HS1BP3: variants seen among roughly 807,000 people sequenced by gnomAD.
HS1BP3 encodes HCLS1-binding protein 3.
Under a neutral mutation model 33.5 loss-of-function variants are expected in HS1BP3, and 32 were observed. The ratio of observed to expected loss-of-function variants is 0.95; its 90% CI spans 0.72 to 1.28. HS1BP3 has a LOEUF of 1.28. Among genes scored for constraint, HS1BP3 ranks in the 50% most tolerant of loss-of-function variants. The probability of loss-of-function intolerance (pLI) is 0.00; values close to 1 mark genes in which losing one functional copy is unlikely to be tolerated. For synonymous variants in HS1BP3, 187 were observed against 209.2 expected, an observed-to-expected ratio of 0.89 and a Z score of 0.92; for missense variants, 486 against 502.3, an observed-to-expected ratio of 0.97 and a Z score of 0.31.
intron 2 of HS1BP3, among the ~76,000 whole-genome samples, chr2:20,606,901 T>C (rs879498129): frequency 4.6e-5 from 7 of 152,174 alleles, no homozygotes; most frequent in African/African-American, 1.4e-4. Context: ...ATTCTTTGTG[T>C]TGTCTTTCAC....
chr2:20,581,367 T>C (rs1199217175), intron 5 of HS1BP3, among the ~76,000 whole-genome samples: 1 of 152,246 alleles, frequency 6.6e-6, no homozygotes, highest in African/African-American at 2.4e-5. Flanking sequence ...TTTTCTTTTT[T>C]GAGACAAAGT....
intron 5 of HS1BP3, among the ~76,000 whole-genome samples, chr2:20,564,151 T>A (rs16987836): frequency 1.3e-5 from 2 of 152,106 alleles, no homozygotes; most frequent in Non-Finnish European, 2.9e-5. Context: ...ACAGAGCATG[T>A]GAGAATTTGT....
chr2:20,646,744 C>T (rs1394734790), intron 1 of HS1BP3, among the ~76,000 whole-genome samples: 2 of 152,246 alleles, frequency 1.3e-5, no homozygotes, highest in Non-Finnish European at 2.9e-5. Context: ...TGGTGTCACC[C>T]ACGGTGTCAC....
At chr2:20,567,928 C>T (rs1469036849) in intron 5 of HS1BP3, among the ~76,000 whole-genome samples, 3 of 152,270 alleles carry the variant, frequency 2.0e-5, no homozygotes, top group East Asian at 1.9e-4. Context: ...GGGAACTCAA[C>T]GTCCCCAGGG....
intron 5 of HS1BP3, among the ~76,000 whole-genome samples, chr2:20,565,891 C>T (rs566257139): frequency 2.6e-5 from 4 of 152,318 alleles, no homozygotes; most frequent in Admixed American, 2.6e-4. Flanking sequence ...GAATGTGCTG[C>T]CTCACAGGCC....
At chr2:20,568,430 C>CCAAG (rs1422278481) in intron 5 of HS1BP3, among the ~76,000 whole-genome samples, 1 of 152,102 alleles carries the variant, frequency 6.6e-6, no homozygotes, top group Non-Finnish European at 1.5e-5. Context: ...GAGGAAGGGG[C>CCAAG]CAAGCCTGGG....
At chr2:20,567,229 C>T (rs935389475) in intron 5 of HS1BP3, among the ~76,000 whole-genome samples, 2 of 152,070 alleles carry the variant, frequency 1.3e-5, no homozygotes, top group Non-Finnish European at 2.9e-5. Context: ...GCACGGGACT[C>T]ACATCAATAT....
chr2:20,630,708 G>A (rs1049706762), intron 4 of HS1BP3, among the ~76,000 whole-genome samples: 1 of 152,260 alleles, frequency 6.6e-6, no homozygotes, highest in African/African-American at 2.4e-5. Context: ...CTGAGGACAG[G>A]CACTAACCCT....
chr2:20,572,171 G>A (rs1337019676), intron 5 of HS1BP3, among the ~76,000 whole-genome samples: 1 of 152,200 alleles, frequency 6.6e-6, no homozygotes, highest in Non-Finnish European at 1.5e-5. Flanking sequence ...CAGGGGAGAG[G>A]CTGGGAAGCA....
chr2:20,651,052 C>T lies in HS1BP3; in HGVS notation c.12G>A (p.Pro4=). The part of the protein sequence containing the change: MQS[P]AVLVTSRRLQ... Reference sequence around the variant, plus strand: ...CTCACCTGGAGGTGACGAGCACCGCCGGGGACTGCATGACGGCGGCGGGGA... The same window carrying T: ...CTCACCTGGAGGTGACGAGCACCGCTGGGGACTGCATGACGGCGGCGGGGA... Residue 4 remains proline (P), a synonymous_variant, in exon 1 of 7, where the codon CCG becomes CCA. Coordinates refer to ENST00000304031, the MANE Select transcript of HS1BP3 (RefSeq NM_022460.4). 8.1e-7 allele frequency: 1 copy of T among 1,238,894 alleles called. No homozygotes were observed. The highest frequency in any genetic ancestry group is 1.0e-6 in the Non-Finnish European group (1 of 991,984). The allele number at this position is 1,238,894 out of a possible 1,614,324, so 76.7% of individuals were successfully genotyped here. A position where few individuals can be genotyped will look rare whatever the true frequency, so the allele number is the denominator to read the frequency against.
rs1307893621 is a variant in HS1BP3 at position 20,638,750 on chromosome 2, C to T, written c.407-98G>A. 3.2e-6 allele frequency: 3 copies of T among 932,956 alleles called. No individual in the cohort carries two copies. In the African/African-American group the frequency reaches 4.9e-5, roughly 15 times the overall value. 57.8% of individuals were successfully genotyped at this position (932,956 alleles called of 1,614,324 possible). ...ACCCTCCCATGCCAGGATCTGAGGC[C>T]GAGGGCTTCCTGCAGCCTCCTGGGA... On this transcript the variant is annotated intron_variant, in intron 3 of 6. Transcript: ENST00000304031.
At chr2:20,600,095 A>G (rs1481517600) in intron 2 of HS1BP3, among the ~76,000 whole-genome samples, 1 of 152,184 alleles carries the variant, frequency 6.6e-6, no homozygotes, top group Non-Finnish European at 1.5e-5. Context: ...GAAAGCTTCA[A>G]CAGCCCAGCC....
chr2:20,646,758 C>T (rs1695533477), intron 1 of HS1BP3, among the ~76,000 whole-genome samples: 1 of 152,246 alleles, frequency 6.6e-6, no homozygotes, highest in Non-Finnish European at 1.5e-5. Context: ...GTGTCACTGC[C>T]ACCAGTGTGG....
chr2:20,617,218 C>T (rs950785186), downstream of HS1BP3, among the ~76,000 whole-genome samples: 2 of 152,172 alleles, frequency 1.3e-5, no homozygotes, highest in Admixed American at 6.5e-5. Flanking sequence ...GAAGACCTGG[C>T]CCCATCCCCT....
At chr2:20,572,519 TC>T (rs1350463328) in intron 5 of HS1BP3, among the ~76,000 whole-genome samples, 1 of 152,168 alleles carries the variant, frequency 6.6e-6, no homozygotes, top group Non-Finnish European at 1.5e-5. Flanking sequence ...CAACCTGAGT[TC>T]TTATTTTGTT....
intron 2 of HS1BP3, among the ~76,000 whole-genome samples, chr2:20,605,150 C>T (rs1462237764): frequency 4.6e-5 from 7 of 152,204 alleles, no homozygotes; most frequent in Non-Finnish European, 8.8e-5. Context: ...AGACAAGTCC[C>T]AGCTCTTATT....
intron 2 of HS1BP3, among the ~76,000 whole-genome samples, chr2:20,642,105 G>A (rs1232876329): frequency 2.0e-5 from 3 of 152,132 alleles, no homozygotes; most frequent in Non-Finnish European, 2.9e-5. Context: ...CTCACTCCTC[G>A]CTCCTCTGTG....
intron 2 of HS1BP3, among the ~76,000 whole-genome samples, chr2:20,607,497 A>C (rs944180160): frequency 1.3e-5 from 2 of 152,098 alleles, no homozygotes; most frequent in African/African-American, 4.8e-5. Context: ...CCTCCAATAC[A>C]ATTTCTTGGG....
intron 5 of HS1BP3, among the ~76,000 whole-genome samples, chr2:20,573,840 G>T (rs1303766205): frequency 6.6e-6 from 1 of 152,220 alleles, no homozygotes; most frequent in Non-Finnish European, 1.5e-5. Flanking sequence ...CAGACTCCTT[G>T]TGAGACACAA....
Sources: allele counts gnomAD v4.1 joint callset (sites outside exome capture counted in the v4.1 genomes callset), GRCh38; gene constraint gnomAD v4.1.1; transcripts MANE v1.5; gene names NCBI Gene and HGNC (gene_info 2026-07-23, HGNC 2026-07-21).